TRPS1: variants seen among roughly 807,000 people sequenced by gnomAD.
TRPS1 encodes the protein zinc finger transcription factor Trps1.
Under a neutral mutation model 101.2 loss-of-function variants are expected in TRPS1, and 6 were observed. That is an observed-to-expected ratio of 0.06 (90% confidence interval 0.03 to 0.12). TRPS1 has a LOEUF of 0.12. TRPS1 is among the 10% of genes least tolerant of loss of function. TRPS1 has a pLI of 1.00. For synonymous variants in TRPS1, 578 were observed against 589.8 expected, an observed-to-expected ratio of 0.98 and a Z score of 0.29; for missense variants, 1,363 against 1,567.0, an observed-to-expected ratio of 0.87 and a Z score of 2.20.
chr8:115,658,996 T>G lies in TRPS1; in HGVS notation c.-122+9549A>C, dbSNP rs1449143412. Reference sequence around the variant, plus strand: ...AAATATGTTATAAATAATGAGGGCATTCCTTCAAAAGCACAAGTTTTCTTA... The same window carrying G: ...AAATATGTTATAAATAATGAGGGCAGTCCTTCAAAAGCACAAGTTTTCTTA... On this transcript the variant is annotated intron_variant, in intron 1 of 6. Transcript: ENST00000395715. Among the ~76,000 whole-genome samples, 3 of 152,098 alleles carry G rather than the reference T, an allele frequency of 2.0e-5. No homozygotes were observed. The East Asian group carries it at 5.8e-4, about 29-fold the overall frequency.
intron 5 of TRPS1, among the ~76,000 whole-genome samples, chr8:115,546,982 C>A (rs1471658635): frequency 1.3e-5 from 2 of 152,122 alleles, no homozygotes; most frequent in Non-Finnish European, 2.9e-5. Context: ...AATAAAACTG[C>A]CAGTGTAGTT....
intron 5 of TRPS1, among the ~76,000 whole-genome samples, chr8:115,433,640 C>T (rs1813375592): frequency 6.6e-6 from 1 of 152,090 alleles, no homozygotes; most frequent in African/African-American, 2.4e-5. Context: ...TTTGGCTCCA[C>T]AAGGCTTCTT....
At chr8:115,485,594 A>T (rs1406254567) in intron 5 of TRPS1, among the ~76,000 whole-genome samples, 4 of 152,180 alleles carry the variant, frequency 2.6e-5, no homozygotes, top group African/African-American at 9.7e-5. Context: ...GTTACTATAT[A>T]TGTTGCCTAT....
Position 115,515,194 on chromosome 8 carries a change from T to C in TRPS1, c.2700+71807A>G, listed in dbSNP as rs1815680541. Reference sequence around the variant, plus strand: ...TTTTCGTTACTCTCCATTATCTAAATATTAATAAGATCTTCATGGAAGCAA... The same window carrying C: ...TTTTCGTTACTCTCCATTATCTAAACATTAATAAGATCTTCATGGAAGCAA... On this transcript the variant is annotated intron_variant, in intron 5 of 6. Transcript: ENST00000395715. 4.3e-6 allele frequency: 3 copies of C among 693,186 alleles called. No individual in the cohort carries two copies. In the East Asian group the frequency reaches 8.1e-5, roughly 19 times the overall value. 42.9% of individuals were successfully genotyped at this position (693,186 alleles called of 1,614,324 possible). A position where few individuals can be genotyped will look rare whatever the true frequency, so the allele number is the denominator to read the frequency against.
intron 5 of TRPS1, among the ~76,000 whole-genome samples, chr8:115,528,154 C>T (rs1304563155): frequency 1.3e-5 from 2 of 152,154 alleles, no homozygotes; most frequent in Non-Finnish European, 1.5e-5. Flanking sequence ...TACAACCTTT[C>T]TGGGAAAGTA....
chr8:115,637,762 A>G (rs1304823855), intron 1 of TRPS1, among the ~76,000 whole-genome samples: 1 of 152,192 alleles, frequency 6.6e-6, no homozygotes, highest in African/African-American at 2.4e-5. Context: ...AACTTATTGA[A>G]GTTACTCATG....
rs548104093 is a variant in TRPS1, at chr8:115,473,234, C to T, written c.2701-54782G>A. Among the ~76,000 whole-genome samples, 11 of 152,114 alleles carry T rather than the reference C, an allele frequency of 7.2e-5. No homozygotes were observed. In the South Asian group the frequency reaches 2.3e-3, roughly 32 times the overall value. On this transcript the variant is annotated intron_variant, in intron 5 of 6. Coordinates refer to ENST00000395715, the MANE Select transcript of TRPS1 (RefSeq NM_014112.5). ...TCATAGTTCCACATGGCTGGGAAGG[C>T]CTTGGGAAACTTATAATCCTGGTGG...
At chr8:115,512,327 T>C (rs990529839) in intron 5 of TRPS1, among the ~76,000 whole-genome samples, 16 of 151,752 alleles carry the variant, frequency 1.1e-4, no homozygotes, top group Non-Finnish European at 1.8e-4. Context: ...TAGTTTGTTT[T>C]TAAAAAAGAA....
chr8:115,645,355 G>A (rs73378995), intron 1 of TRPS1, among the ~76,000 whole-genome samples: 3,868 of 152,162 alleles, frequency 0.025, 165 homozygotes, highest in African/African-American at 0.088. Context: ...TTCTCCTGCC[G>A]AAAAACTGGG....
At chr8:115,602,386 C>T (rs1053601097) in intron 4 of TRPS1, among the ~76,000 whole-genome samples, 18 of 152,150 alleles carry the variant, frequency 1.2e-4, no homozygotes, top group African/African-American at 4.1e-4. Context: ...CTGATGTCTG[C>T]GAGCCTCAGA....
chr8:115,583,804 A>G (rs2130434677), intron 5 of TRPS1, among the ~76,000 whole-genome samples: 1 of 152,198 alleles, frequency 6.6e-6, no homozygotes, highest in Non-Finnish European at 1.5e-5. Flanking sequence ...TTCCATACTA[A>G]TAACAAGGGA....
chr8:115,518,114 A>AC (rs1815766748), intron 5 of TRPS1, among the ~76,000 whole-genome samples: 1 of 22 alleles, frequency 0.045, no homozygotes, highest in Non-Finnish European at 0.083. Context: ...AAAGAGCAAC[A>AC]GGCTCAATGC....
intron 5 of TRPS1, among the ~76,000 whole-genome samples, chr8:115,435,193 C>CTCACAGTTCTATCTATCTAT (rs1813418710): frequency 6.6e-6 from 1 of 152,106 alleles, no homozygotes; most frequent in African/African-American, 2.4e-5. Context: ...AATTTATTGA[C>CTCACAGTTCTATCTATCTAT]CTATCTATCT....
intron 3 of TRPS1, among the ~76,000 whole-genome samples, chr8:115,612,409 G>C (rs1012260157): frequency 1.7e-4 from 26 of 152,060 alleles, no homozygotes; most frequent in African/African-American, 6.3e-4. Flanking sequence ...GGGAACAATG[G>C]GACACACTGC....
intron 3 of TRPS1, among the ~76,000 whole-genome samples, chr8:115,611,346 G>A (rs1818159381): frequency 6.6e-6 from 1 of 152,060 alleles, no homozygotes; most frequent in East Asian, 1.9e-4. Context: ...TCTAATCTCC[G>A]AAAATATAGA....
At chr8:115,557,024 C>G (rs758333539) in intron 5 of TRPS1, among the ~76,000 whole-genome samples, 1 of 152,090 alleles carries the variant, frequency 6.6e-6, no homozygotes, top group Non-Finnish European at 1.5e-5. Flanking sequence ...CTGAAGAGGC[C>G]TCACAATCAA....
chr8:115,533,495 T>C (rs910664295), intron 5 of TRPS1, among the ~76,000 whole-genome samples: 1 of 142,564 alleles, frequency 7.0e-6, no homozygotes, highest in Non-Finnish European at 1.5e-5. Context: ...AATTTAAATA[T>C]TTCAAACATG....
intron 5 of TRPS1, among the ~76,000 whole-genome samples, chr8:115,419,888 G>A (rs964972227): frequency 6.6e-6 from 1 of 152,036 alleles, no homozygotes; most frequent in African/African-American, 2.4e-5. Flanking sequence ...TCTAACATTC[G>A]ACATCCTCCA....
chr8:115,408,874 A>G lies in TRPS1; in HGVS notation c.*5149T>C, dbSNP rs1339151845. The G allele has an allele frequency of 6.6e-6, 1 of 152,198 alleles. No individual in the cohort carries two copies. The highest frequency in any genetic ancestry group is 2.4e-5 in the African/African-American group (1 of 41,322). 9.4% of individuals were successfully genotyped at this position (152,198 alleles called of 1,614,324 possible). Reference sequence around the variant, plus strand: ...TGTGGTTGTCAAATAGTCCGCCCTAAGGAATTTGGCGTTTATTATTGTGAT... The same window carrying G: ...TGTGGTTGTCAAATAGTCCGCCCTAGGGAATTTGGCGTTTATTATTGTGAT... On this transcript the variant is annotated 3_prime_UTR_variant, in exon 7 of 7. Transcript: ENST00000395715.
Sources: gnomAD v4.1 joint callset for allele counts (sites outside exome capture counted in the v4.1 genomes callset) on GRCh38, gnomAD v4.1.1 for gene constraint, MANE v1.5 for transcripts, NCBI Gene and HGNC (gene_info 2026-07-23, HGNC 2026-07-21) for gene names.